ADGRG1: variants seen among roughly 807,000 people sequenced by gnomAD.
ADGRG1 encodes adhesion G protein-coupled receptor G1.
A neutral mutation model predicts 73.5 loss-of-function variants in ADGRG1; 53 were observed. The observed-to-expected ratio is 0.72, with a 90% confidence interval of 0.58 to 0.91. ADGRG1 has a LOEUF of 0.91. ADGRG1 is among the 40% of genes least tolerant of loss of function. The pLI is 0.00. For missense variants in ADGRG1, 795 were observed against 871.8 expected, an observed-to-expected ratio of 0.91 and a Z score of 1.11; for synonymous variants, 394 against 374.4, an observed-to-expected ratio of 1.05 and a Z score of -0.60.
upstream of ADGRG1, among the ~76,000 whole-genome samples, chr16:57,624,450 A>G (rs1479347979): frequency 6.6e-6 from 1 of 152,188 alleles, no homozygotes. Flanking sequence ...GTAGAGAGCT[A>G]TGATTGCATC....
At chr16:57,631,271 A>G (rs13337417) in intron 1 of ADGRG1, 1 of 985,746 alleles carries the variant, frequency 1.0e-6, no homozygotes, top group Non-Finnish European at 1.2e-6. Context: ...AAGGCAGGTA[A>G]GAGGAGTGGG....
chr16:57,631,714 G>A lies in ADGRG1; in HGVS notation c.-36+2912G>A, dbSNP rs1486785860. 8.1e-6 allele frequency: 8 copies of A among 984,264 alleles called. No individual in the cohort carries two copies. In the African/African-American group the frequency reaches 1.1e-4, roughly 13 times the overall value. 61.0% of individuals were successfully genotyped at this position (984,264 alleles called of 1,614,324 possible). A position where few individuals can be genotyped will look rare whatever the true frequency, so the allele number is the denominator to read the frequency against. On this transcript the variant is annotated intron_variant, in intron 1 of 13. Transcript: ENST00000562631. ...GGGCGGGGCGGGCTGGCACAAAGGGGTCTCTCAAACCGGGTGGGGCGGGGC... is the reference window on the plus strand; with the variant it reads ...GGGCGGGGCGGGCTGGCACAAAGGGATCTCTCAAACCGGGTGGGGCGGGGC...
At chr16:57,661,034 T>C (rs1304834040) in intron 12 of ADGRG1, 158 bp downstream of exon 12, 1 of 166,346 alleles carries the variant, frequency 6.0e-6, no homozygotes, top group Non-Finnish European at 1.2e-5. Context: ...CTAAGAGTCA[T>C]GGAGGGTGAG....
intron 1 of ADGRG1, chr16:57,639,695 C>A: frequency 1.0e-6 from 1 of 979,344 alleles, no homozygotes. Context: ...CCTCCTCTCC[C>A]CTCCTCCCCG....
rs1484558801 is a variant in ADGRG1 at position 57,635,866 on chromosome 16, T to C, written c.-36+7064T>C. 12 of 985,056 alleles carry C rather than the reference T, an allele frequency of 1.2e-5. No homozygotes were observed. In the African/African-American group the frequency reaches 2.1e-4, roughly 17 times the overall value. 61.0% of individuals were successfully genotyped at this position (985,056 alleles called of 1,614,324 possible). ...GTGTCCCTGTGTCCCTGCTATAAAA[T>C]GGGAATGATAGTACCTCCTCATAGA... On this transcript the variant is annotated intron_variant, in intron 1 of 13. Transcript: ENST00000562631.
At chr16:57,624,036 G>A (rs1317273318), upstream of ADGRG1, 1 of 267,918 alleles carries the variant, frequency 3.7e-6, no homozygotes, top group African/African-American at 2.3e-5. Flanking sequence ...ACTGCAAATG[G>A]TGGAGTTCTG....
rs150233291 is a variant in ADGRG1 at position 57,656,529 on chromosome 16, A to T, written c.1079A>T (p.His360Leu). 3 of 1,613,414 alleles carry T rather than the reference A, an allele frequency of 1.9e-6. No individual in the cohort carries two copies. Among genetic ancestry groups the T allele is most frequent in the Admixed American group, 1.7e-5 (1 of 60,016 alleles). The change falls in exon 9 of 14, where the codon CAT (histidine) becomes CTT (leucine). Residue 360 changes from histidine to leucine, a missense_variant. His to Leu is a moderately conservative substitution (Grantham distance 99). Transcript: ENST00000562631. Reference sequence around the variant, plus strand: ...CCCTCCTCAGTGAGCAGCCCGGGGCATTGGAGCAGTGCTGGGTGTGAGACC... The same window carrying T: ...CCCTCCTCAGTGAGCAGCCCGGGGCTTTGGAGCAGTGCTGGGTGTGAGACC... ...VEDPTLSSPGHWSSAGCETVR... is the reference protein window; with the variant it reads ...VEDPTLSSPGLWSSAGCETVR...
chr16:57,640,374 C>T (rs758309469), intron 1 of ADGRG1: 5 of 152,258 alleles, frequency 3.3e-5, no homozygotes, highest in Non-Finnish European at 7.3e-5. Flanking sequence ...TGACCTCGGG[C>T]AGGTAACTTG....
chr16:57,659,976 C>G (rs1567811349), intron 11 of ADGRG1, among the ~76,000 whole-genome samples: 1 of 152,212 alleles, frequency 6.6e-6, no homozygotes, highest in Non-Finnish European at 1.5e-5. Flanking sequence ...CTCAAAGGCA[C>G]CCAGTTCAGA....
At chr16:57,647,621 G>A in intron 1 of ADGRG1, 5 of 350,018 alleles carry the variant, frequency 1.4e-5, no homozygotes, top group Non-Finnish European at 2.0e-5. Flanking sequence ...CAGCTAGTGA[G>A]GGAGTCAGGA....
intron 5 of ADGRG1, chr16:57,655,015 C>G: frequency 9.2e-6 from 9 of 978,444 alleles, no homozygotes; most frequent in Non-Finnish European, 1.1e-5. Context: ...CCACTGCACC[C>G]AGCCACACAC....
upstream of ADGRG1, chr16:57,622,830 C>T (rs1442273284): frequency 1.0e-5 from 10 of 985,236 alleles, no homozygotes; most frequent in East Asian, 1.1e-4. Context: ...ATGCCTTCCC[C>T]GCTGGGGAGG....
intron 1 of ADGRG1, chr16:57,643,544 C>T: frequency 2.0e-6 from 2 of 984,300 alleles, no homozygotes; most frequent in Non-Finnish European, 2.4e-6. Context: ...ACAGTGAGGC[C>T]TGAGCTGGCG....
At chr16:57,644,279 C>A in intron 1 of ADGRG1, 1 of 751,098 alleles carries the variant, frequency 1.3e-6, no homozygotes, top group Non-Finnish European at 1.6e-6. Flanking sequence ...CACACACACT[C>A]ATCACACACT....
At chr16:57,660,925 G>C (rs368169475) in intron 12 of ADGRG1, 49 bp downstream of exon 12, 1 of 1,136,378 alleles carries the variant, frequency 8.8e-7, no homozygotes, top group Admixed American at 1.8e-5. Context: ...TCTGGGCACA[G>C]AGGCCAGAGT....
At chr16:57,626,863 C>G (rs147197815), upstream of ADGRG1, 715 of 976,904 alleles carry the variant, frequency 7.3e-4, 6 homozygotes, top group African/African-American at 0.011. Flanking sequence ...TCAGGGACAA[C>G]CCATCCTCCC....
chr16:57,625,784 C>T, upstream of ADGRG1: 1 of 400,920 alleles, frequency 2.5e-6, no homozygotes, highest in East Asian at 1.6e-4. Context: ...CCAAACTCTA[C>T]ACTTTCAAAA....
rs1282833058 is a variant in ADGRG1 at position 57,651,519 on chromosome 16, C to G, written c.384C>G (p.Ser128Arg). The change falls in exon 3 of 14, where the codon AGC becomes AGG. Residue 128 changes from serine to arginine, a missense_variant. Physicochemically the swap from Ser to Arg is moderately radical, Grantham distance 110. Transcript: ENST00000562631. ...SLLCFQHQEE[S>R]LAQGPPLLAT... ...TCTGCTTCCAGCACCAGGAGGAGAG[C>G]CTGGCTCAGGGCCCCCCGCTGTTAG... is the stretch of plus-strand genomic sequence containing the variant. 6.2e-7 allele frequency: 1 copy of G among 1,614,224 alleles called. No individual in the cohort carries two copies. The highest frequency in any genetic ancestry group is 1.1e-5 in the South Asian group (1 of 91,088).
At chr16:57,626,038 T>C (rs116246472), upstream of ADGRG1, among the ~76,000 whole-genome samples, 6,169 of 152,264 alleles carry the variant, frequency 0.041, 122 homozygotes, top group South Asian at 0.044. Context: ...TGTACCTCGG[T>C]TCCCCTTCTG....
Sources: allele counts gnomAD v4.1 joint callset (sites outside exome capture counted in the v4.1 genomes callset), GRCh38; gene constraint gnomAD v4.1.1; transcripts MANE v1.5; gene names NCBI Gene and HGNC (gene_info 2026-07-23, HGNC 2026-07-21).